The following MUC3A variants were observed in gnomAD, a reference collection of about 807,000 sequenced individuals.
The protein encoded by MUC3A is mucin-3A.
In MUC3A, 109 loss-of-function variants were observed where a neutral mutation model predicts 109.0. The observed-to-expected ratio is 1.00, with a 90% confidence interval of 0.86 to 1.17. The LOEUF (loss-of-function observed/expected upper bound fraction) is 1.17. MUC3A is among the 50% of genes most tolerant of loss of function. The pLI is 0.00. For missense variants in MUC3A, 3,537 were observed against 2,469.4 expected (o/e 1.43, Z -9.16); for synonymous variants, 1,398 against 981.4 (o/e 1.42, Z -7.93).
Position 100,956,702 on chromosome 7 carries a change from T to A in MUC3A, c.4923T>A (p.Thr1641=). The A allele has an allele frequency of 2.4e-6, 1 of 416,076 alleles. No homozygotes were observed. The highest frequency in any genetic ancestry group is 4.2e-6 in the Non-Finnish European group (1 of 237,972). 25.8% of individuals were successfully genotyped at this position (416,076 alleles called of 1,614,324 possible). Residue 1641 remains threonine (T), a synonymous_variant, in exon 2 of 12, where the codon ACT becomes ACA. Transcript: ENST00000379458. ...MSATTPSGGP[T]FTSTENTPTR... ...CTACCACTCCCAGTGGAGGACCAAC[T>A]TTCACAAGTACTGAGAACACTCCAA...
Position 100,960,021 on chromosome 7 carries a change from C to A in MUC3A, c.8242C>A (p.Leu2748Met). ...TTSTSSTSSSLTTALTEITPF... is the reference protein window; with the variant it reads ...TTSTSSTSSSMTTALTEITPF... ...CAGCACTTCTTCAACCAGCTCCTCT[C>A]TGACCACAGCTCTCACTGAAATAAC... is the stretch of plus-strand genomic sequence containing the variant. Residue 2748 changes from leucine to methionine, a missense_variant, in exon 2 of 12, where the codon CTG (leucine) becomes ATG (methionine). Physicochemically the swap from Leu to Met is conservative, Grantham distance 15. Transcript: ENST00000379458. 1 of 1,509,808 alleles carries A rather than the reference C, an allele frequency of 6.6e-7. No individual in the cohort carries two copies. The allele number at this position is 1,509,808 out of a possible 1,614,324, so 93.5% of individuals were successfully genotyped here. A position where few individuals can be genotyped will look rare whatever the true frequency, so the allele number is the denominator to read the frequency against.
chr7:100,963,766 C>T lies in MUC3A; in HGVS notation c.9233+14C>T, dbSNP rs200421953. On this transcript the variant is annotated intron_variant, in intron 5 of 11. Transcript: ENST00000379458. ...CCTGTCCCTGAGGTAGGAGACCCAT[C>T]TGGGGATGCGGAGGCGGTGTTGGGT... The T allele has an allele frequency of 1.9e-5, 30 of 1,598,412 alleles. No homozygotes were observed. The highest frequency in any genetic ancestry group is 2.5e-5 in the Non-Finnish European group (29 of 1,179,786).
chr7:100,958,166 T>C lies in MUC3A; in HGVS notation c.6387T>C (p.Ser2129=), dbSNP rs1584803233. The C allele has an allele frequency of 8.7e-5, 100 of 1,149,348 alleles. No homozygotes were observed. The highest frequency in any genetic ancestry group is 2.1e-4 in the Middle Eastern group (1 of 4,772). 71.2% of individuals were successfully genotyped at this position (1,149,348 alleles called of 1,614,324 possible). A position where few individuals can be genotyped will look rare whatever the true frequency, so the allele number is the denominator to read the frequency against. Residue 2129 remains serine (S), a synonymous_variant, in exon 2 of 12, where the codon TCT becomes TCC. Coordinates refer to ENST00000379458, the MANE Select transcript of MUC3A (RefSeq NM_005960.2). ...CACACAGTACTCCCAGCTTCACTTC[T>C]TCGATCACCACCACTGAGAACGCCA... The part of the protein sequence containing the change: ...MPSHSTPSFT[S]SITTTENATH...
chr7:100,963,300 T>TTTTTTTTC (rs1792403603), intron 4 of MUC3A, 34 bp downstream of exon 4: 1 of 1,502,886 alleles, frequency 6.7e-7, no homozygotes, highest in South Asian at 1.2e-5. Context: ...TTTTTTTTTT[T>TTTTTTTTC]TTTGAGGTGT....
rs1357260242 is a variant in MUC3A at position 100,956,946 on chromosome 7, G to A, written c.5167G>A (p.Gly1723Ser). ...ETPSSTVATT[G>S]TGQTTFTSST... is the part of the protein sequence containing the mutation. Reference sequence around the variant, plus strand: ...ACCTTCATCCACTGTAGCAACTACAGGCACAGGTCAGACTACATTCACCAG... The same window carrying A: ...ACCTTCATCCACTGTAGCAACTACAAGCACAGGTCAGACTACATTCACCAG... The change falls in exon 2 of 12, where the codon GGC becomes AGC. Residue 1723 changes from glycine to serine, a missense_variant. Transcript: ENST00000379458. 4.8e-6 allele frequency: 2 copies of A among 415,916 alleles called. No homozygotes were observed. Among genetic ancestry groups the A allele is most frequent in the East Asian group, 7.1e-5 (2 of 28,344 alleles). 25.8% of individuals were successfully genotyped at this position (415,916 alleles called of 1,614,324 possible).
At chr7:100,961,967 T>TGGGCATGGTGG (rs1584808699) in intron 3 of MUC3A, among the ~76,000 whole-genome samples, 2 of 119,092 alleles carry the variant, frequency 1.7e-5, no homozygotes, top group Non-Finnish European at 3.9e-5. Context: ...AAAACTTACC[T>TGGGCATGGTGG]CACGCCTGTA....
chr7:100,963,195 C>T lies in MUC3A; in HGVS notation c.9097C>T (p.Gln3033Ter). ...EVGMEVSVDQ[Q>*]FSPDLNDNTS... ...GGGCATGGAAGTGTCTGTGGATCAG[C>T]AGTTCTCGCCGGACCTCAATGACAA... Residue 3033 changes from glutamine (Q) to a stop codon, truncating the protein, a stop_gained, in exon 4 of 12, where the codon CAG (glutamine) becomes TAG (stop). Transcript: ENST00000379458. LOFTEE classifies it high-confidence loss of function. 6.3e-7 allele frequency: 1 copy of T among 1,598,342 alleles called. No individual in the cohort carries two copies. The highest frequency in any genetic ancestry group is 8.5e-7 in the Non-Finnish European group (1 of 1,179,754).
Position 100,952,223 on chromosome 7 carries a change from G to A in MUC3A, c.444G>A (p.Thr148=), listed in dbSNP as rs372059825. Reference sequence around the variant, plus strand: ...ACCCCACCTCCATCTGTGTGACCACGACGCAGGTGGCCTTCACCAGCTCTT... The same window carrying A: ...ACCCCACCTCCATCTGTGTGACCACAACGCAGGTGGCCTTCACCAGCTCTT... The part of the protein sequence containing the change: ...ISHPTSICVT[T]TQVAFTSSYT... The change falls in exon 2 of 12, where the codon ACG becomes ACA. Residue 148 remains threonine (T), a synonymous_variant. Transcript: ENST00000379458. The A allele has an allele frequency of 6.3e-6, 10 of 1,598,514 alleles. No homozygotes were observed. Among genetic ancestry groups the A allele is most frequent in the South Asian group, 3.3e-5 (3 of 91,092 alleles).
At position 100,955,954 on chromosome 7, in the gene MUC3A, CT is replaced by C; in HGVS notation, c.4176del (p.Thr1394ProfsTer4). On this transcript the variant is annotated frameshift_variant, in exon 2 of 12. Coordinates refer to ENST00000379458, the MANE Select transcript of MUC3A (RefSeq NM_005960.2). LOFTEE classifies it high-confidence loss of function. ...TSTPPITSSI[T>X]PTDTMTSMRT... Reference sequence around the variant, plus strand: ...ACTCCCCCCATCACTTCTTCAATCACTCCCACCGATACAATGACTTCTATGA... The same window carrying C: ...ACTCCCCCCATCACTTCTTCAATCACCCCACCGATACAATGACTTCTATGA... 1 of 536,520 alleles carries C rather than the reference CT, an allele frequency of 1.9e-6. No individual in the cohort carries two copies. The highest frequency in any genetic ancestry group is 3.3e-6 in the Non-Finnish European group (1 of 302,676). 33.2% of individuals were successfully genotyped at this position (536,520 alleles called of 1,614,324 possible). A position where few individuals can be genotyped will look rare whatever the true frequency, so the allele number is the denominator to read the frequency against.
At chr7:100,963,795 G>T (rs1792424255) in intron 5 of MUC3A, 43 bp downstream of exon 5, 6 of 1,597,580 alleles carry the variant, frequency 3.8e-6, no homozygotes, top group Middle Eastern at 1.7e-4. Context: ...GTTGGGTGGG[G>T]GAAATGTGCG....
Position 100,960,861 on chromosome 7 carries a change from G to A in MUC3A, c.8976G>A (p.Trp2992Ter). The change falls in exon 3 of 12, where the codon TGG (tryptophan) becomes TGA (stop). Residue 2992 changes from tryptophan to a stop codon, truncating the protein, a stop_gained. Transcript: ENST00000379458. LOFTEE classifies it high-confidence loss of function. ...CCAGATGCCAGAATGGGGGTCAGTG[G>A]GATGGCCTCAAATGCCAGTGCCCCA... ...LQTRCQNGGQ[W>*]DGLKCQCPST... 1 of 1,598,530 alleles carries A rather than the reference G, an allele frequency of 6.3e-7. No homozygotes were observed. Among genetic ancestry groups the A allele is most frequent in the Non-Finnish European group, 8.5e-7 (1 of 1,179,808 alleles).
chr7:100,965,299 G>C lies in MUC3A; in HGVS notation c.9400G>C (p.Asp3134His). Residue 3134 changes from aspartate to histidine, a missense_variant, in exon 7 of 12, where the codon GAC (aspartate) becomes CAC (histidine). By Grantham distance (81) the Asp-to-His change is moderately conservative (BLOSUM62 -1). Coordinates refer to ENST00000379458, the MANE Select transcript of MUC3A (RefSeq NM_005960.2). The part of the protein sequence containing the change: ...QDSQTLCFKP[D>H]SIKVNNNSKT... ...TTCCGCAGCCCTGTGTTTTAAGCCTGACTCCATCAAGGTGAACAACAACAG... is the reference window on the plus strand; with the variant it reads ...TTCCGCAGCCCTGTGTTTTAAGCCTCACTCCATCAAGGTGAACAACAACAG... The C allele has an allele frequency of 6.3e-7, 1 of 1,599,250 alleles. No homozygotes were observed. Among genetic ancestry groups the C allele is most frequent in the Non-Finnish European group, 8.5e-7 (1 of 1,179,748 alleles).
intron 8 of MUC3A, 171 bp from the exon 9 acceptor site, chr7:100,966,215 A>C: frequency 1.6e-5 from 5 of 305,836 alleles, no homozygotes; most frequent in Non-Finnish European, 1.6e-5. Context: ...CACCTAGGGT[A>C]GAGCCCCGGC....
intron 4 of MUC3A, 32 bp from the exon 5 acceptor site, chr7:100,963,656 G>T (rs891196544): frequency 2.7e-5 from 43 of 1,598,238 alleles, no homozygotes; most frequent in Non-Finnish European, 3.5e-5. Flanking sequence ...CTGCAGGTTC[G>T]GACGTGAGCC....
Position 100,965,874 on chromosome 7 carries a change from C to A in MUC3A, c.9611+8C>A. The A allele has an allele frequency of 6.3e-7, 1 of 1,589,064 alleles. No homozygotes were observed. The highest frequency in any genetic ancestry group is 8.5e-7 in the Non-Finnish European group (1 of 1,173,584). ...GAGCGGTCCCACGTGTCGGTAAGGCCCCGCTCACCATCGGCATCAGCCGAG... is the reference window on the plus strand; with the variant it reads ...GAGCGGTCCCACGTGTCGGTAAGGCACCGCTCACCATCGGCATCAGCCGAG... On this transcript the variant is annotated splice_region_variant and intron_variant, in intron 8 of 11. Coordinates refer to ENST00000379458, the MANE Select transcript of MUC3A (RefSeq NM_005960.2).
chr7:100,963,585 G>T, intron 4 of MUC3A, 103 bp from the exon 5 acceptor site: 3 of 1,560,708 alleles, frequency 1.9e-6, no homozygotes, highest in South Asian at 1.1e-5. Context: ...GCACCCGGCC[G>T]GGGAGGGGAA....
intron 8 of MUC3A, 117 bp from the exon 9 acceptor site, chr7:100,966,269 A>ACCCCCCAGATTGCCCTAGGGTGGAAC: frequency 1.0e-6 from 1 of 984,760 alleles, no homozygotes; most frequent in Non-Finnish European, 1.3e-6. Flanking sequence ...CTAGGGTGGA[A>ACCCCCCAGATTGCCCTAGGGTGGAAC]CCCCCCGCTG....
chr7:100,966,604 G>T (rs1440445491), intron 9 of MUC3A, 45 bp downstream of exon 9: 4 of 1,596,810 alleles, frequency 2.5e-6, no homozygotes, highest in Non-Finnish European at 3.4e-6. Context: ...GCAGCCAAGG[G>T]GTCCCAGGCG....
At position 100,966,930 on chromosome 7, in the gene MUC3A, G is replaced by A. The variant is rs1339173541; in HGVS notation, c.9909G>A (p.Glu3303=). Residue 3303 remains glutamate (E), a synonymous_variant, in exon 11 of 12, where the codon GAG becomes GAA. Coordinates refer to ENST00000379458, the MANE Select transcript of MUC3A (RefSeq NM_005960.2). ...DKDTNFYVAL[E]NVDTTMKVHI... is the part of the protein sequence containing the mutation. ...ATACAAATTTCTATGTGGCCTTGGA[G>A]AACGTGGACACCACTATGAAGGTGA... 1 of 1,598,548 alleles carries A rather than the reference G, an allele frequency of 6.3e-7. No homozygotes were observed. Among genetic ancestry groups the A allele is most frequent in the Non-Finnish European group, 8.5e-7 (1 of 1,179,822 alleles).
Sources: allele counts gnomAD v4.1 joint callset (sites outside exome capture counted in the v4.1 genomes callset), GRCh38; gene constraint gnomAD v4.1.1; transcripts MANE v1.5; gene names NCBI Gene and HGNC (gene_info 2026-07-23, HGNC 2026-07-21).